The following ZNRF3 variants were observed in gnomAD, a reference collection of about 807,000 sequenced individuals.
The protein encoded by ZNRF3 is zinc and ring finger 3.
A neutral mutation model predicts 72.5 loss-of-function variants in ZNRF3; 23 were observed. That is an observed-to-expected ratio of 0.32 (90% CI 0.23 to 0.45). The LOEUF (loss-of-function observed/expected upper bound fraction) is 0.45, where lower values mean the gene tolerates loss of function less well. Among genes scored for constraint, ZNRF3 ranks in the 20% least tolerant of loss-of-function variants. The probability of loss-of-function intolerance (pLI) is 1.00; values close to 1 mark genes in which losing one functional copy is unlikely to be tolerated. For missense variants in ZNRF3, 1,169 were observed against 1,272.1 expected (o/e 0.92, Z 1.23); for synonymous variants, 610 against 545.3 (o/e 1.12, Z -1.65).
intron 1 of ZNRF3, among the ~76,000 whole-genome samples, chr22:28,972,504 A>G (rs2035594456): frequency 1.3e-5 from 2 of 152,196 alleles, no homozygotes. Flanking sequence ...TGATGTTTCC[A>G]TTCATCGGCT....
chr22:28,948,778 C>T (rs540628852), intron 1 of ZNRF3, among the ~76,000 whole-genome samples: 19 of 152,314 alleles, frequency 1.2e-4, no homozygotes, highest in African/African-American at 4.1e-4. Context: ...GAATCTGAAA[C>T]CATGTCAATG....
At chr22:29,007,201 G>T (rs2036267508) in intron 2 of ZNRF3, among the ~76,000 whole-genome samples, 2 of 152,198 alleles carry the variant, frequency 1.3e-5, no homozygotes, top group Admixed American at 6.5e-5. Flanking sequence ...CTAATGAATG[G>T]TCTTCACAGG....
chr22:28,928,639 A>G lies in ZNRF3; in HGVS notation c.300+44573A>G, dbSNP rs183114611. Among the ~76,000 whole-genome samples, 14 of 151,816 alleles carry G rather than the reference A, an allele frequency of 9.2e-5. No individual in the cohort carries two copies. In the East Asian group the frequency reaches 2.7e-3, roughly 30 times the overall value. ...CTCCCGAGTAGCTGGGATTACAGGC[A>G]TACGCCACCAAACCCGGCTAATTTT... On this transcript the variant is annotated intron_variant, in intron 1 of 8. Coordinates refer to ENST00000544604, the MANE Select transcript of ZNRF3 (RefSeq NM_001206998.2).
intron 2 of ZNRF3, among the ~76,000 whole-genome samples, chr22:29,016,504 C>CAAT (rs1351754641): frequency 6.6e-6 from 1 of 152,046 alleles, no homozygotes; most frequent in African/African-American, 2.4e-5. Context: ...TTTACTTGTT[C>CAAT]AATAAAGGTT....
chr22:28,889,286 C>A (rs2033845544), intron 1 of ZNRF3, among the ~76,000 whole-genome samples: 1 of 152,160 alleles, frequency 6.6e-6, no homozygotes, highest in Non-Finnish European at 1.5e-5. Context: ...TCCATGAACT[C>A]CTGCAAGTGT....
chr22:29,008,647 C>T (rs2036298945), intron 2 of ZNRF3, among the ~76,000 whole-genome samples: 1 of 152,212 alleles, frequency 6.6e-6, no homozygotes, highest in East Asian at 1.9e-4. Flanking sequence ...GACTCATTCA[C>T]AGCTGTGTGT....
At chr22:28,994,014 G>A (rs777621025) in intron 2 of ZNRF3, among the ~76,000 whole-genome samples, 8 of 151,866 alleles carry the variant, frequency 5.3e-5, no homozygotes, top group African/African-American at 9.7e-5. Flanking sequence ...GTCACTTAAC[G>A]CGTCTGTGTG....
intron 1 of ZNRF3, among the ~76,000 whole-genome samples, chr22:28,903,478 C>G (rs1569240253): frequency 1.3e-5 from 2 of 152,138 alleles, no homozygotes; most frequent in Non-Finnish European, 2.9e-5. Context: ...TGATTTTTGC[C>G]AAAGCAAATA....
chr22:28,992,206 C>T (rs970311636), intron 2 of ZNRF3, among the ~76,000 whole-genome samples: 5 of 147,940 alleles, frequency 3.4e-5, no homozygotes, highest in African/African-American at 1.2e-4. Context: ...CCCCCCACCC[C>T]CCGGAAAAAC....
At chr22:28,970,028 A>G (rs1208255811) in intron 1 of ZNRF3, among the ~76,000 whole-genome samples, 3 of 152,230 alleles carry the variant, frequency 2.0e-5, no homozygotes, top group Non-Finnish European at 2.9e-5. Context: ...CATGACAGAA[A>G]AGGTTTGTTT....
chr22:28,918,405 C>T (rs190505520), intron 1 of ZNRF3, among the ~76,000 whole-genome samples: 4 of 152,278 alleles, frequency 2.6e-5, no homozygotes, highest in Admixed American at 6.5e-5. Flanking sequence ...CAGCCTTCCT[C>T]GTAACCTATA....
At chr22:29,039,902 T>C (rs1208512838) in intron 2 of ZNRF3, among the ~76,000 whole-genome samples, 1 of 151,714 alleles carries the variant, frequency 6.6e-6, no homozygotes, top group East Asian at 1.9e-4. Context: ...GAGGCTGCAG[T>C]GAGCTATGAT....
At chr22:28,928,428 T>A (rs964954548) in intron 1 of ZNRF3, among the ~76,000 whole-genome samples, 1 of 151,998 alleles carries the variant, frequency 6.6e-6, no homozygotes, top group African/African-American at 2.4e-5. Flanking sequence ...TCCTAACTGC[T>A]GTGCCATTGT....
intron 2 of ZNRF3, among the ~76,000 whole-genome samples, chr22:28,997,050 C>T (rs2123838097): frequency 6.6e-6 from 1 of 152,284 alleles, no homozygotes; most frequent in Admixed American, 6.5e-5. Flanking sequence ...AGATTCTCAA[C>T]TTAAGAGGGA....
rs1452154406 is a variant in ZNRF3, at chr22:28,883,777, G to T, written c.11G>T (p.Arg4Leu). 2.8e-5 allele frequency: 27 copies of T among 978,306 alleles called. No homozygotes were observed. The highest frequency in any genetic ancestry group is 3.3e-5 in the Non-Finnish European group (27 of 827,318). 60.6% of individuals were successfully genotyped at this position (978,306 alleles called of 1,614,324 possible). A position where few individuals can be genotyped will look rare whatever the true frequency, so the allele number is the denominator to read the frequency against. Residue 4 changes from arginine to leucine, a missense_variant, in exon 1 of 9, where the codon CGC becomes CTC. This residue lies in a region of ZNRF3 where 386 missense variants were observed against 540.7 expected (regional missense o/e 0.71). Coordinates refer to ENST00000544604, the MANE Select transcript of ZNRF3 (RefSeq NM_001206998.2). This position sits in a 1 kb window ranked among gnomAD's most constrained non-coding sequence, Gnocchi z 5.5. ...TCCCGCCGCAGGACCATGAGGCCGC[G>T]CTCGGGCGGGCGCCCAGGGGCCACG... MRPRSGGRPGATGR... is the reference protein window; with the variant it reads MRPLSGGRPGATGR...
At chr22:28,985,128 C>G (rs1420700412) in intron 1 of ZNRF3, among the ~76,000 whole-genome samples, 3 of 152,196 alleles carry the variant, frequency 2.0e-5, no homozygotes, top group African/African-American at 4.8e-5. Flanking sequence ...GCCCTCCACT[C>G]GTTGCTGTCT....
At chr22:28,960,107 C>T (rs898936201) in intron 1 of ZNRF3, among the ~76,000 whole-genome samples, 1 of 152,132 alleles carries the variant, frequency 6.6e-6, no homozygotes, top group African/African-American at 2.4e-5. Flanking sequence ...TTGGTCTGGG[C>T]AAGTCATTTT....
intron 1 of ZNRF3, among the ~76,000 whole-genome samples, chr22:28,887,990 T>C (rs1232848261): frequency 6.6e-6 from 1 of 152,132 alleles, no homozygotes; most frequent in Non-Finnish European, 1.5e-5. Context: ...AAGTCAAATA[T>C]TTAGAAAAGC....
intron 2 of ZNRF3, among the ~76,000 whole-genome samples, chr22:28,987,719 C>T (rs1029406670): frequency 6.6e-6 from 1 of 152,186 alleles, no homozygotes. Context: ...TCTAAATAGC[C>T]TCGTGTTAGT....
Sources: gnomAD v4.1 joint callset for allele counts (sites outside exome capture counted in the v4.1 genomes callset) on GRCh38, gnomAD v4.1.1 for gene constraint, gnomAD v4.1.1 regional missense constraint, Gnocchi (gnomAD v3.1) non-coding constraint, MANE v1.5 for transcripts, NCBI Gene and HGNC (gene_info 2026-07-23, HGNC 2026-07-21) for gene names.